Variants in CACNA2D3 observed in about 807,000 individuals in gnomAD.
The protein encoded by CACNA2D3 is voltage-dependent calcium channel subunit alpha-2/delta-3.
CACNA2D3 carries 60 observed loss-of-function variants against 160.6 expected under a neutral mutation model. That is an observed-to-expected ratio of 0.37 (90% confidence interval 0.30 to 0.46). The LOEUF (loss-of-function observed/expected upper bound fraction) is 0.46, where lower values mean the gene tolerates loss of function less well. Among genes scored for constraint, CACNA2D3 ranks in the 20% least tolerant of loss-of-function variants. The pLI, the probability that CACNA2D3 is intolerant of heterozygous loss-of-function variation, is 1.00. For synonymous variants in CACNA2D3, 558 were observed against 492.9 expected, an observed-to-expected ratio of 1.13 and a Z score of -1.75; for missense variants, 1,205 against 1,365.0, an observed-to-expected ratio of 0.88 and a Z score of 1.85.
chr3:54,405,291 A>AAG (rs1365712640), intron 4 of CACNA2D3, among the ~76,000 whole-genome samples: 17 of 143,612 alleles, frequency 1.2e-4, no homozygotes, highest in African/African-American at 4.4e-4. Flanking sequence ...AAAAAAAAAA[A>AAG]GTTGGAGGCT....
intron 35 of CACNA2D3, among the ~76,000 whole-genome samples, chr3:55,025,634 C>CAAAAAA (rs10717273): frequency 6.3e-5 from 4 of 63,290 alleles, no homozygotes; most frequent in African/African-American, 2.5e-4. Flanking sequence ...ACTCTATCTC[C>CAAAAAA]AAAAAAAAAA....
At chr3:54,528,655 CG>C (rs975282979) in intron 5 of CACNA2D3, among the ~76,000 whole-genome samples, 3 of 152,248 alleles carry the variant, frequency 2.0e-5, no homozygotes, top group African/African-American at 7.2e-5. Flanking sequence ...GGCAAACACA[CG>C]TTTTTTTATG....
chr3:54,184,690 G>A (rs1700848710), intron 2 of CACNA2D3, among the ~76,000 whole-genome samples: 2 of 152,184 alleles, frequency 1.3e-5, no homozygotes, highest in African/African-American at 4.8e-5. Context: ...GAATCCATTT[G>A]GGGACATGAG....
intron 9 of CACNA2D3, among the ~76,000 whole-genome samples, chr3:54,603,477 T>G (rs1247824140): frequency 6.6e-6 from 1 of 152,212 alleles, no homozygotes; most frequent in African/African-American, 2.4e-5. Context: ...ACTTCCTTCC[T>G]CTGTGACTAT....
intron 29 of CACNA2D3, among the ~76,000 whole-genome samples, chr3:54,981,704 A>G (rs927223034): frequency 3.3e-5 from 5 of 152,230 alleles, no homozygotes; most frequent in Non-Finnish European, 5.9e-5. Flanking sequence ...AACACAAAGG[A>G]AAATGATTTT....
intron 2 of CACNA2D3, among the ~76,000 whole-genome samples, chr3:54,208,465 C>T (rs529648337): frequency 6.6e-6 from 1 of 152,278 alleles, no homozygotes; most frequent in South Asian, 2.1e-4. Flanking sequence ...GAGCTGGTTT[C>T]CAATAGCCCT....
chr3:54,578,659 A>T (rs1702627211), intron 8 of CACNA2D3, among the ~76,000 whole-genome samples: 1 of 152,238 alleles, frequency 6.6e-6, no homozygotes, highest in Admixed American at 6.5e-5. Flanking sequence ...AAGGGAAATT[A>T]GTCAACTGCA....
At chr3:54,531,077 A>C (rs1314570915) in intron 5 of CACNA2D3, among the ~76,000 whole-genome samples, 3 of 152,244 alleles carry the variant, frequency 2.0e-5, no homozygotes, top group African/African-American at 7.2e-5. Flanking sequence ...TTGAGCTGGC[A>C]ACTGCCATGG....
chr3:54,751,711 C>G (rs1404832035), intron 11 of CACNA2D3, among the ~76,000 whole-genome samples: 1 of 152,140 alleles, frequency 6.6e-6, no homozygotes, highest in Non-Finnish European at 1.5e-5. Context: ...CTGGTAAAGC[C>G]TTTGATACCA....
intron 2 of CACNA2D3, among the ~76,000 whole-genome samples, chr3:54,161,253 C>T (rs1700338811): frequency 6.6e-6 from 1 of 152,224 alleles, no homozygotes; most frequent in South Asian, 2.1e-4. Flanking sequence ...CCCATCTCCA[C>T]TGAACTCCCC....
At chr3:54,598,257 G>A (rs1249741188) in intron 9 of CACNA2D3, among the ~76,000 whole-genome samples, 3 of 119,546 alleles carry the variant, frequency 2.5e-5, no homozygotes, top group Admixed American at 1.2e-4. Context: ...GCAGTGAGCC[G>A]AGATCATGCC....
intron 33 of CACNA2D3, 59 bp from the exon 34 acceptor site, chr3:55,009,329 G>A: frequency 1.4e-6 from 2 of 1,405,306 alleles, no homozygotes; most frequent in Non-Finnish European, 1.0e-6. Flanking sequence ...GAAAGTCACT[G>A]TTCTGTGATA....
intron 13 of CACNA2D3, among the ~76,000 whole-genome samples, chr3:54,793,482 G>T (rs746360848): frequency 6.6e-5 from 10 of 152,194 alleles, no homozygotes; most frequent in African/African-American, 2.4e-4. Context: ...ATAATGAGAT[G>T]GTTTGGCCTG....
intron 4 of CACNA2D3, among the ~76,000 whole-genome samples, chr3:54,413,428 A>ATATC (rs1699704372): frequency 6.8e-6 from 1 of 147,800 alleles, no homozygotes; most frequent in Admixed American, 6.8e-5. Context: ...AGATATCTAT[A>ATATC]TATATATATA....
intron 27 of CACNA2D3, among the ~76,000 whole-genome samples, chr3:54,965,857 G>A (rs1367625846): frequency 6.6e-6 from 1 of 152,110 alleles, no homozygotes. Context: ...GCAGGGGTGT[G>A]AGTGAGGAGA....
intron 35 of CACNA2D3, among the ~76,000 whole-genome samples, chr3:55,033,830 A>ATAATATGTATTATATATTAAATATATTT (rs2107180691): frequency 2.1e-5 from 1 of 47,910 alleles, no homozygotes. Flanking sequence ...AATATATTTA[A>ATAATATGTATTATATATTAAATATATTT]TATATAATAT....
chr3:54,677,659 C>G (rs569073238), intron 11 of CACNA2D3, among the ~76,000 whole-genome samples: 4 of 151,784 alleles, frequency 2.6e-5, no homozygotes, highest in African/African-American at 9.7e-5. Context: ...AGTCTCTCTC[C>G]CAGGAATATG....
chr3:54,880,947 T>TCATCTGTCCGCACCTGTGA, intron 21 of CACNA2D3, 84 bp downstream of exon 21: 1 of 1,175,588 alleles, frequency 8.5e-7, no homozygotes, highest in Non-Finnish European at 1.3e-6. Context: ...AAGAACTTGT[T>TCATCTGTCCGCACCTGTGA]CATCTGTCCG....
chr3:54,960,731 G>A (rs1025155063), intron 27 of CACNA2D3, among the ~76,000 whole-genome samples: 7 of 152,158 alleles, frequency 4.6e-5, no homozygotes, highest in Admixed American at 4.6e-4. Context: ...TCTGTTCTCA[G>A]TTTTGCCCAA....
Sources: gnomAD v4.1 joint callset for allele counts (sites outside exome capture counted in the v4.1 genomes callset) on GRCh38, gnomAD v4.1.1 for gene constraint, MANE v1.5 for transcripts, NCBI Gene and HGNC (gene_info 2026-07-23, HGNC 2026-07-21) for gene names.